Variants in ME3 observed in about 807,000 individuals in gnomAD.
ME3 encodes the protein NADP-dependent malic enzyme, mitochondrial.
Under a neutral mutation model 68.9 loss-of-function variants are expected in ME3, and 48 were observed. That is an observed-to-expected ratio of 0.70 (90% CI 0.55 to 0.89). ME3 has a LOEUF of 0.89. Among genes scored for constraint, ME3 ranks in the 40% least tolerant of loss-of-function variants. ME3 has a pLI of 0.00. For missense variants in ME3, 675 were observed against 797.4 expected (o/e 0.85, Z 1.85); for synonymous variants, 320 against 318.8 (o/e 1.00, Z -0.04).
intron 7 of ME3, among the ~76,000 whole-genome samples, chr11:86,477,784 G>A (rs2138848467): frequency 6.6e-6 from 1 of 152,236 alleles, no homozygotes; most frequent in South Asian, 2.1e-4. Context: ...TCTGCTTGGT[G>A]CGATGGAAGT....
intron 2 of ME3, among the ~76,000 whole-genome samples, chr11:86,573,858 T>A (rs1957940066): frequency 6.6e-6 from 1 of 152,206 alleles, no homozygotes; most frequent in South Asian, 2.1e-4. Flanking sequence ...TGAATTTTAT[T>A]GAAGGCCTTT....
intron 2 of ME3, among the ~76,000 whole-genome samples, chr11:86,655,258 A>G (rs1200323930): frequency 6.6e-6 from 1 of 152,186 alleles, no homozygotes; most frequent in Non-Finnish European, 1.5e-5. Context: ...TTTAAAGTTC[A>G]TATGGAACCA....
At chr11:86,562,850 G>T (rs1004297531) in intron 2 of ME3, among the ~76,000 whole-genome samples, 17 of 151,840 alleles carry the variant, frequency 1.1e-4, no homozygotes, top group African/African-American at 3.6e-4. Context: ...AGTCTGCAGT[G>T]TCTATTGTTC....
In ME3 at chr11:86,593,943, T is replaced by A. The variant is rs200477311; in HGVS notation, c.184-34120A>T. On this transcript the variant is annotated intron_variant, in intron 2 of 14. Transcript: ENST00000543262. ...TGTAATGAGCACAAAACTTTTTGTT[T>A]CTGATTTTTCTTCAGATTGAACTAT... Among the ~76,000 whole-genome samples, 4 of 146,610 alleles carry A rather than the reference T, an allele frequency of 2.7e-5. No homozygotes were observed. In the East Asian group the frequency reaches 7.1e-4, roughly 26 times the overall value.
chr11:86,625,059 A>G (rs1157070149), intron 2 of ME3, among the ~76,000 whole-genome samples: 2 of 152,196 alleles, frequency 1.3e-5, no homozygotes, highest in African/African-American at 2.4e-5. Flanking sequence ...TTGCTAGAAG[A>G]AACACTTCTG....
Position 86,450,062 on chromosome 11 carries a change from C to G in ME3, c.1018-60G>C, listed in dbSNP as rs535534891. On this transcript the variant is annotated intron_variant, in intron 9 of 14. Coordinates refer to ENST00000543262, the Ensembl canonical transcript of ME3. The stretch of plus-strand genomic sequence containing the variant: ...GGGCAAACAGCTGCTGAACATTTAT[C>G]TGATGTCTTGCCATAAGGACCCCCT... 87 of 1,351,344 alleles carry G rather than the reference C, an allele frequency of 6.4e-5. No homozygotes were observed. In the African/African-American group the frequency reaches 1.2e-3, roughly 18 times the overall value. 83.7% of individuals were successfully genotyped at this position (1,351,344 alleles called of 1,614,324 possible). A position where few individuals can be genotyped will look rare whatever the true frequency, so the allele number is the denominator to read the frequency against.
At position 86,661,460 on chromosome 11, in the gene ME3, A is replaced by T. The variant is rs561379791; in HGVS notation, c.183+10302T>A. 1.6e-3 allele frequency among the ~76,000 whole-genome samples: 243 copies of T among 152,354 alleles called. 1 individual carries two copies. The highest frequency in any genetic ancestry group is 2.7e-3 in the Non-Finnish European group (187 of 68,032). ...AGATGTCTTTAATTCTATTTGTAGA[A>T]TTAGAAATGTCATGATATTATTTAG... On this transcript the variant is annotated intron_variant, in intron 2 of 14. Coordinates refer to ENST00000543262, the Ensembl canonical transcript of ME3.
At chr11:86,657,198 G>C (rs1026001759) in intron 2 of ME3, among the ~76,000 whole-genome samples, 5 of 152,134 alleles carry the variant, frequency 3.3e-5, no homozygotes, top group African/African-American at 1.2e-4. Flanking sequence ...ATTCACAATA[G>C]CAAAGACTTG....
chr11:86,570,428 G>T (rs1957728007), intron 2 of ME3, among the ~76,000 whole-genome samples: 1 of 152,078 alleles, frequency 6.6e-6, no homozygotes, highest in African/African-American at 2.4e-5. Flanking sequence ...TGGGGATTCT[G>T]GTTGGAGACA....
At chr11:86,435,029 C>A in the ME3 span, 1 of 152,112 alleles carries the variant, frequency 6.6e-6, no homozygotes, top group East Asian at 1.9e-4. Flanking sequence ...AAACAGTCAA[C>A]AAACTTGATC....
At chr11:86,579,953 T>C (rs1007923729) in intron 2 of ME3, among the ~76,000 whole-genome samples, 5 of 152,210 alleles carry the variant, frequency 3.3e-5, no homozygotes, top group Admixed American at 6.5e-5. Flanking sequence ...ACTTCAAACC[T>C]TTTGAGTTTT....
At chr11:86,618,232 G>A (rs1943100649) in intron 2 of ME3, among the ~76,000 whole-genome samples, 1 of 146,304 alleles carries the variant, frequency 6.8e-6, no homozygotes, top group African/African-American at 2.5e-5. Flanking sequence ...CCTGGGAGGT[G>A]GAGGCTGCAG....
intron 7 of ME3, among the ~76,000 whole-genome samples, chr11:86,483,765 G>T (rs1034275988): frequency 6.6e-6 from 1 of 152,190 alleles, no homozygotes; most frequent in African/African-American, 2.4e-5. Flanking sequence ...CAAAGCTGCT[G>T]CTGACATCAA....
chr11:86,445,193 AG>A (rs1437897396), intron 13 of ME3, among the ~76,000 whole-genome samples: 2 of 152,252 alleles, frequency 1.3e-5, no homozygotes, highest in Non-Finnish European at 2.9e-5. Context: ...AGCAATGAGA[AG>A]AAAGACAAAC....
intron 2 of ME3, among the ~76,000 whole-genome samples, chr11:86,663,981 G>T (rs761860953): frequency 1.3e-5 from 2 of 152,228 alleles, no homozygotes; most frequent in East Asian, 3.8e-4. Context: ...ACTGCTTTTA[G>T]AACAGGCAGC....
chr11:86,579,329 G>T (rs1488457690), intron 2 of ME3, among the ~76,000 whole-genome samples: 1 of 152,166 alleles, frequency 6.6e-6, no homozygotes, highest in Admixed American at 6.6e-5. Context: ...CCCATGAGAG[G>T]CAGTGGGCCA....
At chr11:86,661,731 G>C (rs1946290359) in intron 2 of ME3, among the ~76,000 whole-genome samples, 1 of 152,194 alleles carries the variant, frequency 6.6e-6, no homozygotes, top group African/African-American at 2.4e-5. Flanking sequence ...GCACTTGTAT[G>C]AATGCACCTC....
At chr11:86,537,693 G>C (rs1170248722) in intron 4 of ME3, among the ~76,000 whole-genome samples, 1 of 152,178 alleles carries the variant, frequency 6.6e-6, no homozygotes, top group East Asian at 1.9e-4. Context: ...CTTTTCAAAG[G>C]CCTCTTAGGA....
intron 7 of ME3, among the ~76,000 whole-genome samples, chr11:86,480,183 T>C (rs1163066669): frequency 6.6e-6 from 1 of 152,178 alleles, no homozygotes; most frequent in African/African-American, 2.4e-5. Flanking sequence ...GGATATGTAG[T>C]CATTATTCAG....
Sources: gnomAD v4.1 joint callset for allele counts (sites outside exome capture counted in the v4.1 genomes callset) on GRCh38, gnomAD v4.1.1 for gene constraint, MANE v1.5 for transcripts, NCBI Gene and HGNC (gene_info 2026-07-23, HGNC 2026-07-21) for gene names.